The following PDE11A variants were observed in gnomAD, a reference collection of about 807,000 sequenced individuals.
The protein encoded by PDE11A is dual 3',5'-cyclic-AMP and -GMP phosphodiesterase 11A.
A neutral mutation model predicts 100.5 loss-of-function variants in PDE11A; 100 were observed. The observed-to-expected ratio is 1.00, with a 90% CI of 0.85 to 1.18. The LOEUF (loss-of-function observed/expected upper bound fraction) is 1.18. Among genes scored for constraint, PDE11A ranks in the 50% most tolerant of loss-of-function variants. PDE11A has a pLI of 0.00. For missense variants in PDE11A, 1,141 were observed against 1,152.6 expected (o/e 0.99, Z 0.15); for synonymous variants, 381 against 420.8 (o/e 0.91, Z 1.16).
chr2:177,699,958 G>A (rs1165820813), intron 14 of PDE11A, among the ~76,000 whole-genome samples: 1 of 152,160 alleles, frequency 6.6e-6, no homozygotes, highest in Non-Finnish European at 1.5e-5. Flanking sequence ...AAAGGTGGTG[G>A]TTTGTCAGAG....
chr2:177,992,730 C>T (rs1049422500), intron 2 of PDE11A, among the ~76,000 whole-genome samples: 2 of 152,014 alleles, frequency 1.3e-5, no homozygotes, highest in African/African-American at 2.4e-5. Context: ...TTTTAAAGAT[C>T]CCTCAGTTTG....
chr2:177,999,054 C>T (rs562542582), intron 2 of PDE11A, among the ~76,000 whole-genome samples: 33 of 152,302 alleles, frequency 2.2e-4, no homozygotes, highest in Non-Finnish European at 4.4e-4. Flanking sequence ...AATAGCAAAA[C>T]GCCCATCATG....
chr2:177,631,299 A>C (rs7565179), intron 19 of PDE11A, among the ~76,000 whole-genome samples: 10 of 26,724 alleles, frequency 3.7e-4, no homozygotes, highest in Admixed American at 5.5e-4. Context: ...TGCAAAAAAA[A>C]AAAAAAAAAA....
At position 177,898,093 on chromosome 2, in the gene PDE11A, A is replaced by G; in HGVS notation, c.1267T>C (p.Cys423Arg). ...ATGTCCTCTAGGAGTAAAACAGAAC[A>G]GCGTTCACATTTCAGCAGAGTTTGG... ...RAQTLLKCER[C>R]SVLLLEDIES... is the part of the protein sequence containing the mutation. The change falls in exon 4 of 20, where the codon TGT becomes CGT. Residue 423 changes from cysteine to arginine, a missense_variant. Coordinates refer to ENST00000286063, the MANE Select transcript of PDE11A (RefSeq NM_016953.4). 4 of 1,612,718 alleles carry G rather than the reference A, an allele frequency of 2.5e-6. No homozygotes were observed. Among genetic ancestry groups the G allele is most frequent in the Non-Finnish European group, 3.4e-6 (4 of 1,178,700 alleles).
At chr2:177,909,681 C>G (rs2084847704) in intron 2 of PDE11A, among the ~76,000 whole-genome samples, 2 of 152,066 alleles carry the variant, frequency 1.3e-5, no homozygotes, top group African/African-American at 4.8e-5. Flanking sequence ...CCAGTTTTTT[C>G]CTCCTCATTC....
chr2:177,740,451 A>G (rs923639402), intron 10 of PDE11A, among the ~76,000 whole-genome samples: 4 of 152,244 alleles, frequency 2.6e-5, no homozygotes, highest in African/African-American at 7.2e-5. Flanking sequence ...AGTGCTTTAT[A>G]GTATTCCATT....
intron 1 of PDE11A, among the ~76,000 whole-genome samples, chr2:178,059,970 T>C (rs2086946837): frequency 2.0e-5 from 3 of 152,216 alleles, no homozygotes; most frequent in Non-Finnish European, 4.4e-5. Flanking sequence ...TATGGCCACA[T>C]CCCTGGGTTC....
chr2:177,697,478 T>A (rs1210280607), intron 14 of PDE11A, 46 bp from the exon 15 acceptor site: 12 of 912,290 alleles, frequency 1.3e-5, no homozygotes, highest in Non-Finnish European at 2.2e-5. Context: ...AAATCTGTGG[T>A]TGTTGATTAC....
rs775955343 is a variant in PDE11A, at chr2:177,626,505, C to G, written c.*2902G>C. 6.6e-6 allele frequency: 1 copy of G among 152,650 alleles called. No individual in the cohort carries two copies. Among genetic ancestry groups the G allele is most frequent in the Admixed American group, 6.5e-5 (1 of 15,280 alleles). 9.5% of individuals were successfully genotyped at this position (152,650 alleles called of 1,614,324 possible). On this transcript the variant is annotated 3_prime_UTR_variant, in exon 20 of 20. Coordinates refer to ENST00000286063, the MANE Select transcript of PDE11A (RefSeq NM_016953.4). ...TGCAGACACGTCACGATCTCGCAGACCAGACTCTGTCCCTGACTCCACCCA... is the reference window on the plus strand; with the variant it reads ...TGCAGACACGTCACGATCTCGCAGAGCAGACTCTGTCCCTGACTCCACCCA...
chr2:177,938,256 T>A (rs1456170148), intron 2 of PDE11A, among the ~76,000 whole-genome samples: 2 of 152,146 alleles, frequency 1.3e-5, no homozygotes, highest in Non-Finnish European at 2.9e-5. Context: ...GCTTAGGGTT[T>A]CTTAAAAGGG....
intron 2 of PDE11A, among the ~76,000 whole-genome samples, chr2:178,082,080 T>C (rs546840740): frequency 3.3e-4 from 51 of 152,352 alleles, no homozygotes; most frequent in Non-Finnish European, 6.0e-4. Context: ...TCAATTTCCC[T>C]TTTGCATATT....
chr2:177,681,755 C>T (rs1437099048), intron 15 of PDE11A, among the ~76,000 whole-genome samples: 1 of 152,152 alleles, frequency 6.6e-6, no homozygotes, highest in Non-Finnish European at 1.5e-5. Flanking sequence ...TTCCTTCCTC[C>T]CTTTTGGAAT....
intron 15 of PDE11A, among the ~76,000 whole-genome samples, chr2:177,685,641 A>C (rs570285036): frequency 6.6e-6 from 1 of 152,034 alleles, no homozygotes; most frequent in Admixed American, 6.5e-5. Flanking sequence ...CTGAGGCGCA[A>C]TCTGCCTCCT....
intron 10 of PDE11A, among the ~76,000 whole-genome samples, chr2:177,765,883 T>A (rs1048848438): frequency 6.6e-6 from 1 of 152,202 alleles, no homozygotes; most frequent in African/African-American, 2.4e-5. Flanking sequence ...TCCCAGACAT[T>A]TCTGCATCCC....
intron 1 of PDE11A, among the ~76,000 whole-genome samples, chr2:178,070,785 G>A (rs553962586): frequency 8.9e-4 from 136 of 152,230 alleles, no homozygotes; most frequent in African/African-American, 3.1e-3. Flanking sequence ...ATCAATATTT[G>A]TTGTTTGTTT....
intron 4 of PDE11A, among the ~76,000 whole-genome samples, chr2:177,895,577 C>T (rs921206364): frequency 1.3e-5 from 2 of 151,754 alleles, no homozygotes; most frequent in Non-Finnish European, 2.9e-5. Flanking sequence ...AGCTATTCTG[C>T]CTTTAAAAAG....
rs1210350569 is a variant in PDE11A, at chr2:177,623,790, T to C, written c.*5617A>G. On this transcript the variant is annotated 3_prime_UTR_variant, in exon 20 of 20. Transcript: ENST00000286063. ...TATACAAAAATGACATTGGTGTAGT[T>C]ATGTTATACAGATAAACAATTTATC... 6.6e-6 allele frequency: 1 copy of C among 152,244 alleles called. No individual in the cohort carries two copies. The highest frequency in any genetic ancestry group is 1.5e-5 in the Non-Finnish European group (1 of 68,042). 9.4% of individuals were successfully genotyped at this position (152,244 alleles called of 1,614,324 possible). A position where few individuals can be genotyped will look rare whatever the true frequency, so the allele number is the denominator to read the frequency against.
At chr2:177,708,690 A>G (rs557545757) in intron 13 of PDE11A, among the ~76,000 whole-genome samples, 1 of 152,264 alleles carries the variant, frequency 6.6e-6, no homozygotes, top group Non-Finnish European at 1.5e-5. Context: ...CTGTTAAAGA[A>G]ATCAGGAAAC....
In PDE11A at chr2:177,817,894, C is replaced by T. The variant is rs771822677; in HGVS notation, c.1608G>A (p.Gly536=). 9 of 1,548,270 alleles carry T rather than the reference C, an allele frequency of 5.8e-6. No individual in the cohort carries two copies. The African/African-American group carries it at 8.3e-5, about 14-fold the overall frequency. The change falls in exon 8 of 20, where the codon GGG becomes GGA. Residue 536 remains glycine, a synonymous_variant. Transcript: ENST00000286063. ...GTTGATCTGCATCATCAAAAGGTTT[C>T]CCATCAAGTCTGTTTAACACTTGAG... ...GVAQVLNRLD[G]KPFDDADQRL...
Sources: gnomAD v4.1 joint callset for allele counts (sites outside exome capture counted in the v4.1 genomes callset) on GRCh38, gnomAD v4.1.1 for gene constraint, MANE v1.5 for transcripts, NCBI Gene and HGNC (gene_info 2026-07-23, HGNC 2026-07-21) for gene names.